The following CNOT1 variants were observed in gnomAD, a reference collection of about 807,000 sequenced individuals.
The protein encoded by CNOT1 is CCR4-NOT transcription complex subunit 1.
CNOT1 carries 15 observed loss-of-function variants against 273.8 expected under a neutral mutation model. The observed-to-expected ratio is 0.05, with a 90% CI of 0.04 to 0.08. The LOEUF (loss-of-function observed/expected upper bound fraction) is 0.08, where lower values mean the gene tolerates loss of function less well. Ranked by LOEUF, CNOT1 falls within the 10% of genes least tolerant of loss-of-function variation. The pLI, the probability that CNOT1 is intolerant of heterozygous loss-of-function variation, is 1.00. For missense variants in CNOT1, 1,644 were observed against 2,912.2 expected (o/e 0.56, Z 10.02); for synonymous variants, 1,022 against 1,005.5 (o/e 1.02, Z -0.31).
At chr16:58,603,408 AGTGTGTGTGTGTGTGTGTGTGTGTGT>A (rs200088613) in intron 1 of CNOT1, among the ~76,000 whole-genome samples, 35 of 96,756 alleles carry the variant, frequency 3.6e-4, no homozygotes, top group Middle Eastern at 0.012. Context: ...ACAATTTAAA[AGTGTGTGTGTGTGTGTGTGTGTGTGT>A]GTGTGTGTGT....
rs1567438341 is a variant in CNOT1, at chr16:58,603,432, TG to T, written c.-174-3922del. On this transcript the variant is annotated intron_variant, in intron 1 of 48. Coordinates refer to ENST00000317147, the MANE Select transcript of CNOT1 (RefSeq NM_016284.5). The stretch of plus-strand genomic sequence containing the variant: ...AAGTGTGTGTGTGTGTGTGTGTGTG[TG>T]TGTGTGTGTGTGTGTGTGTGTGTGT... Among the ~76,000 whole-genome samples the T allele has an allele frequency of 1.6e-3, 246 of 150,414 alleles. 1 individual carries two copies. The highest frequency in any genetic ancestry group is 4.0e-3 in the African/African-American group (165 of 41,062).
In CNOT1 at chr16:58,530,174, G is replaced by T. The variant is rs1157659014; in HGVS notation, c.6279+72C>A. 6.6e-6 allele frequency: 8 copies of T among 1,217,222 alleles called. 1 individual carries two copies. The South Asian group carries it at 7.4e-5, about 11-fold the overall frequency. 75.4% of individuals were successfully genotyped at this position (1,217,222 alleles called of 1,614,324 possible). A position where few individuals can be genotyped will look rare whatever the true frequency, so the allele number is the denominator to read the frequency against. On this transcript the variant is annotated intron_variant, in intron 43 of 48. Transcript: ENST00000317147. ...AAAGGCTTAATAAAAACAAAATAAG[G>T]CCTCAGATTCCTAAAGTGTATTTTC...
chr16:58,546,173 T>C, intron 29 of CNOT1, 148 bp downstream of exon 29: 1 of 666,706 alleles, frequency 1.5e-6, no homozygotes, highest in Non-Finnish European at 2.6e-6. Context: ...TTACTTCTGC[T>C]TGATAATTAG....
In CNOT1 at chr16:58,576,586, A is replaced by T; in HGVS notation, c.1585-4T>A. 6.2e-7 allele frequency: 1 copy of T among 1,614,090 alleles called. No homozygotes were observed. The highest frequency in any genetic ancestry group is 8.5e-7 in the Non-Finnish European group (1 of 1,179,966). On this transcript the variant is annotated splice_polypyrimidine_tract_variant and splice_region_variant and intron_variant, in intron 13 of 48. Transcript: ENST00000317147. ...GGCGAATTGAGGGAGACTGTCCCTA[A>T]AAAGGGGAAGAAAGATTAAATAGCA...
At chr16:58,530,398 G>C in intron 42 of CNOT1, 51 bp from the exon 43 acceptor site, 8 of 1,396,192 alleles carry the variant, frequency 5.7e-6, no homozygotes, top group Non-Finnish European at 7.0e-6. Context: ...CTGTTTTTCA[G>C]CCACTACAAG....
At position 58,532,220 on chromosome 16, in the gene CNOT1, C is replaced by A; in HGVS notation, c.6059+12G>T. 1 of 1,612,978 alleles carries A rather than the reference C, an allele frequency of 6.2e-7. No individual in the cohort carries two copies. Among genetic ancestry groups the A allele is most frequent in the Admixed American group, 1.7e-5 (1 of 59,994 alleles). ...GCAAACCTTAACACAAAATCGCAAA[C>A]ACAATACTCACCAGAAAGCTGTAAG... On this transcript the variant is annotated intron_variant, in intron 41 of 48. Coordinates refer to ENST00000317147, the MANE Select transcript of CNOT1 (RefSeq NM_016284.5).
intron 40 of CNOT1, 36 bp from the exon 41 acceptor site, chr16:58,532,431 C>G (rs1185012213): frequency 2.5e-6 from 4 of 1,600,884 alleles, no homozygotes; most frequent in Non-Finnish European, 3.4e-6. Flanking sequence ...GTAAATCATT[C>G]AGATAATCCA....
At chr16:58,625,904 G>A (rs154433) in intron 1 of CNOT1, among the ~76,000 whole-genome samples, 53,714 of 149,758 alleles carry the variant, frequency 0.36, 10,740 homozygotes, top group Non-Finnish European at 0.45. Context: ...GGGGCAGAAG[G>A]TGTTGAGCCC....
intron 12 of CNOT1, 84 bp from the exon 13 acceptor site, chr16:58,579,023 A>C: frequency 6.5e-7 from 1 of 1,527,162 alleles, no homozygotes; most frequent in Non-Finnish European, 8.8e-7. Context: ...ACCAGCTTGT[A>C]AGCACAAAAC....
intron 25 of CNOT1, chr16:58,548,363 T>C (rs1246324551): frequency 4.4e-5 from 18 of 413,024 alleles, no homozygotes; most frequent in South Asian, 2.4e-4. Flanking sequence ...CCATCTACTC[T>C]GTGGTACCTC....
chr16:58,521,876 A>C (rs914195362), intron 47 of CNOT1, among the ~76,000 whole-genome samples: 1 of 152,140 alleles, frequency 6.6e-6, no homozygotes, highest in Non-Finnish European at 1.5e-5. Context: ...GCTTGAACCC[A>C]GTAGGTGGAG....
Position 58,538,970 on chromosome 16 carries a change from A to G in CNOT1, c.4993-56T>C, listed in dbSNP as rs114644973. The stretch of plus-strand genomic sequence containing the variant: ...GAAAAATACAGTGCTTGGCCCAACT[A>G]TCACAGCCAGAAACCAAATCTCAAT... On this transcript the variant is annotated intron_variant, in intron 35 of 48. Transcript: ENST00000317147. 189 of 1,581,248 alleles carry G rather than the reference A, an allele frequency of 1.2e-4. No individual in the cohort carries two copies. The African/African-American group carries it at 2.2e-3, about 18-fold the overall frequency.
chr16:58,525,774 G>C (rs1228024211), intron 45 of CNOT1, among the ~76,000 whole-genome samples: 2 of 152,224 alleles, frequency 1.3e-5, no homozygotes, highest in Non-Finnish European at 2.9e-5. Flanking sequence ...ATGACTGTCT[G>C]TGGTCTACTC....
rs747726989 is a variant in CNOT1, at chr16:58,551,742, T to A, written c.3048A>T (p.Ala1016=). The A allele has an allele frequency of 6.2e-6, 10 of 1,614,060 alleles. No individual in the cohort carries two copies. The highest frequency in any genetic ancestry group is 5.0e-5 in the Admixed American group (3 of 59,998). Residue 1016 remains alanine (A), a synonymous_variant, in exon 23 of 49, where the codon GCA becomes GCT. Transcript: ENST00000317147. ...GGGCCTGAGCCTGGGCCTGAGCCAG[T>A]GCAATACTTCCAGGGGTTGTGATAG... ...QGSITTPGSI[A]LAQAQAQAQV...
intron 15 of CNOT1, 75 bp from the exon 16 acceptor site, chr16:58,574,835 C>A: frequency 6.4e-7 from 1 of 1,567,478 alleles, no homozygotes; most frequent in South Asian, 1.2e-5. Flanking sequence ...AACTACTAAG[C>A]ACTATAACTA....
chr16:58,627,543 T>G (rs906663988), intron 1 of CNOT1, among the ~76,000 whole-genome samples: 7 of 151,918 alleles, frequency 4.6e-5, no homozygotes, highest in African/African-American at 1.7e-4. Flanking sequence ...TTTCCATTTG[T>G]TTTCATAGCT....
chr16:58,548,925 A>C (rs775022334), intron 25 of CNOT1, among the ~76,000 whole-genome samples: 1 of 152,212 alleles, frequency 6.6e-6, no homozygotes, highest in African/African-American at 2.4e-5. Flanking sequence ...GTGATTAACA[A>C]CACAAATGCC....
rs763703416 is a variant in CNOT1, at chr16:58,528,361, TTAAC to T, written c.6453+110_6453+113del. 3.0e-5 allele frequency: 23 copies of T among 769,528 alleles called. No individual in the cohort carries two copies. The Admixed American group carries it at 3.7e-4, about 13-fold the overall frequency. The allele number at this position is 769,528 out of a possible 1,614,324, so 47.7% of individuals were successfully genotyped here. On this transcript the variant is annotated intron_variant, in intron 44 of 48. Transcript: ENST00000317147. ...ACATTATTTCCTTTAAAGAGTACCCTTAACTAATAGTGTGCGTGTTATGTTGGGT... is the reference window on the plus strand; with the variant it reads ...ACATTATTTCCTTTAAAGAGTACCCTTAATAGTGTGCGTGTTATGTTGGGT...
intron 19 of CNOT1, 127 bp from the exon 20 acceptor site, chr16:58,556,035 T>A: frequency 6.8e-7 from 1 of 1,468,352 alleles, no homozygotes; most frequent in South Asian, 1.4e-5. Context: ...GGAAAAGGTA[T>A]TAAGCGGTCA....
Sources: gnomAD v4.1 joint callset for allele counts (sites outside exome capture counted in the v4.1 genomes callset) on GRCh38, gnomAD v4.1.1 for gene constraint, MANE v1.5 for transcripts, NCBI Gene and HGNC (gene_info 2026-07-23, HGNC 2026-07-21) for gene names.